Variants in KCND2 observed in about 807,000 individuals in gnomAD.
KCND2 encodes potassium voltage-gated channel subfamily D member 2.
A neutral mutation model predicts 54.4 loss-of-function variants in KCND2; 16 were observed. The ratio of observed to expected loss-of-function variants is 0.29; its 90% CI spans 0.20 to 0.45. The LOEUF is 0.45. Ranked by LOEUF, KCND2 falls within the 20% of genes least tolerant of loss-of-function variation. The pLI, the probability that KCND2 is intolerant of heterozygous loss-of-function variation, is 1.00. For synonymous variants in KCND2, 317 were observed against 310.7 expected (o/e 1.02, Z -0.21); for missense variants, 486 against 824.2 (o/e 0.59, Z 5.02).
At chr7:120,639,201 GA>G in intron 1 of KCND2, among the ~76,000 whole-genome samples, 1 of 152,220 alleles carries the variant, frequency 6.6e-6, no homozygotes, top group South Asian at 2.1e-4. Context: ...GTAGAAGATA[GA>G]AAATTCTATC....
intron 1 of KCND2, among the ~76,000 whole-genome samples, chr7:120,346,499 A>C (rs1305371652): frequency 6.6e-6 from 1 of 152,206 alleles, no homozygotes; most frequent in Non-Finnish European, 1.5e-5. Flanking sequence ...AGGAGCTTTA[A>C]GTCCATAAGC....
At chr7:120,577,490 A>C (rs766476261) in intron 1 of KCND2, among the ~76,000 whole-genome samples, 46 of 152,108 alleles carry the variant, frequency 3.0e-4, no homozygotes, top group South Asian at 1.5e-3. Flanking sequence ...CCTGCCTACC[A>C]TATCAGCCTG....
chr7:120,524,807 G>T (rs1791752944), intron 1 of KCND2, among the ~76,000 whole-genome samples: 2 of 152,106 alleles, frequency 1.3e-5, no homozygotes, highest in African/African-American at 4.8e-5. Context: ...AATTGTTTGG[G>T]TTAGCTAACT....
At chr7:120,723,138 C>T (rs1053497719) in intron 1 of KCND2, among the ~76,000 whole-genome samples, 4 of 152,098 alleles carry the variant, frequency 2.6e-5, no homozygotes, top group Admixed American at 6.6e-5. Context: ...GTGAAAGTAG[C>T]CCTGACAGTG....
rs554186201 is a variant in KCND2, at chr7:120,639,039, G to T, written c.1116-93864G>T. 4.6e-5 allele frequency among the ~76,000 whole-genome samples: 7 copies of T among 152,180 alleles called. No homozygotes were observed. The South Asian group carries it at 1.5e-3, about 32-fold the overall frequency. ...TCCATTTTTCCAAAACAAATTTATAGAATGGTTTTCTTTGGTGTCTCATAT... is the reference window on the plus strand; with the variant it reads ...TCCATTTTTCCAAAACAAATTTATATAATGGTTTTCTTTGGTGTCTCATAT... On this transcript the variant is annotated intron_variant, in intron 1 of 5. Coordinates refer to ENST00000331113, the MANE Select transcript of KCND2 (RefSeq NM_012281.3).
chr7:120,507,104 T>G (rs1337937766), intron 1 of KCND2, among the ~76,000 whole-genome samples: 1 of 151,904 alleles, frequency 6.6e-6, no homozygotes, highest in African/African-American at 2.4e-5. Flanking sequence ...CAGTCTTAAG[T>G]AGAACACAAA....
intron 1 of KCND2, among the ~76,000 whole-genome samples, chr7:120,584,526 G>A (rs1792566324): frequency 1.3e-5 from 2 of 152,208 alleles, no homozygotes; most frequent in Non-Finnish European, 2.9e-5. Flanking sequence ...AGTTGAACAG[G>A]TTAGCATTTG....
At chr7:120,721,372 TAAG>T (rs1357618560) in intron 1 of KCND2, among the ~76,000 whole-genome samples, 2 of 152,188 alleles carry the variant, frequency 1.3e-5, no homozygotes, top group Non-Finnish European at 2.9e-5. Flanking sequence ...TTTAATCTCC[TAAG>T]AAGAGGCAAA....
At chr7:120,632,402 A>G (rs1439568138) in intron 1 of KCND2, among the ~76,000 whole-genome samples, 1 of 152,192 alleles carries the variant, frequency 6.6e-6, no homozygotes, top group Non-Finnish European at 1.5e-5. Flanking sequence ...AGAGACAACA[A>G]TCTGTAAATT....
chr7:120,403,079 T>C (rs546478382), intron 1 of KCND2, among the ~76,000 whole-genome samples: 2 of 152,212 alleles, frequency 1.3e-5, no homozygotes, highest in Non-Finnish European at 2.9e-5. Context: ...ATTGTCCATA[T>C]GTAAAGATGA....
chr7:120,357,979 C>G (rs1282835017), intron 1 of KCND2, among the ~76,000 whole-genome samples: 1 of 152,104 alleles, frequency 6.6e-6, no homozygotes, highest in African/African-American at 2.4e-5. Context: ...TAATTGACAG[C>G]AAGTATAATC....
chr7:120,594,850 T>A (rs532850986), intron 1 of KCND2, among the ~76,000 whole-genome samples: 1 of 151,934 alleles, frequency 6.6e-6, no homozygotes, highest in Non-Finnish European at 1.5e-5. Flanking sequence ...TGAAACCCCG[T>A]TTCTACTAAA....
intron 1 of KCND2, among the ~76,000 whole-genome samples, chr7:120,331,102 A>G (rs1800061521): frequency 6.6e-6 from 1 of 152,162 alleles, no homozygotes; most frequent in Non-Finnish European, 1.5e-5. Flanking sequence ...GATATATTAC[A>G]TTCTGAAAGT....
intron 1 of KCND2, among the ~76,000 whole-genome samples, chr7:120,579,601 A>AAAAT (rs369944416): frequency 0.063 from 8,789 of 140,252 alleles, 366 homozygotes; most frequent in East Asian, 0.18. Flanking sequence ...ACTCTGTCTA[A>AAAAT]AAATAAATAA....
At chr7:120,698,202 A>G (rs540431916) in intron 1 of KCND2, among the ~76,000 whole-genome samples, 1 of 151,988 alleles carries the variant, frequency 6.6e-6, no homozygotes, top group Non-Finnish European at 1.5e-5. Context: ...TTTAGTATAA[A>G]TGGGGTTTTG....
intron 1 of KCND2, among the ~76,000 whole-genome samples, chr7:120,498,991 T>C (rs1802892382): frequency 6.6e-6 from 1 of 152,130 alleles, no homozygotes; most frequent in Non-Finnish European, 1.5e-5. Context: ...TATATTATAA[T>C]ATTCCGTTCA....
chr7:120,338,417 T>C (rs965633700), intron 1 of KCND2, among the ~76,000 whole-genome samples: 1 of 152,130 alleles, frequency 6.6e-6, no homozygotes, highest in African/African-American at 2.4e-5. Context: ...TTTAAGGGCT[T>C]TGTTTTTTAT....
intron 1 of KCND2, among the ~76,000 whole-genome samples, chr7:120,337,034 A>AAAG (rs1490014178): frequency 6.6e-6 from 1 of 152,152 alleles, no homozygotes; most frequent in Admixed American, 6.5e-5. Flanking sequence ...TGGAAAATTC[A>AAAG]TATGACAAGT....
At chr7:120,351,808 T>A (rs1290010799) in intron 1 of KCND2, among the ~76,000 whole-genome samples, 1 of 151,936 alleles carries the variant, frequency 6.6e-6, no homozygotes, top group African/African-American at 2.4e-5. Flanking sequence ...TTTCTTTTCT[T>A]TCTTTCTTTT....
Sources: gnomAD v4.1 joint callset for allele counts (sites outside exome capture counted in the v4.1 genomes callset) on GRCh38, gnomAD v4.1.1 for gene constraint, MANE v1.5 for transcripts, NCBI Gene and HGNC (gene_info 2026-07-23, HGNC 2026-07-21) for gene names.